INO80C: variants seen among roughly 807,000 people sequenced by gnomAD.
INO80C encodes IES6 homolog.
Under a neutral mutation model 17.7 loss-of-function variants are expected in INO80C, and 17 were observed. That is an observed-to-expected ratio of 0.96 (90% CI 0.66 to 1.44). INO80C has a LOEUF of 1.44. INO80C is among the 40% of genes most tolerant of loss of function. The pLI, the probability that INO80C is intolerant of heterozygous loss-of-function variation, is 0.00. For synonymous variants in INO80C, 96 were observed against 95.8 expected, an observed-to-expected ratio of 1.00 and a Z score of -0.01; for missense variants, 244 against 245.0, an observed-to-expected ratio of 1.00 and a Z score of 0.03.
intron 4 of INO80C, among the ~76,000 whole-genome samples, chr18:35,476,532 A>G (rs2045738205): frequency 6.6e-6 from 1 of 152,230 alleles, no homozygotes. Flanking sequence ...TCTGAAAAAT[A>G]TAGTCTATTA....
chr18:35,475,555 A>T (rs2045725269), intron 4 of INO80C, among the ~76,000 whole-genome samples: 1 of 152,118 alleles, frequency 6.6e-6, no homozygotes, highest in African/African-American at 2.4e-5. Context: ...CTGTAGCCCC[A>T]GTTACTTGGG....
chr18:35,492,645 A>G (rs1167319314), intron 1 of INO80C, among the ~76,000 whole-genome samples: 1 of 152,204 alleles, frequency 6.6e-6, no homozygotes, highest in African/African-American at 2.4e-5. Context: ...AAAGTTGAAT[A>G]GTAGGATGAC....
At chr18:35,478,757 C>T (rs2045768769) in intron 3 of INO80C, among the ~76,000 whole-genome samples, 1 of 152,212 alleles carries the variant, frequency 6.6e-6, no homozygotes, top group African/African-American at 2.4e-5. Flanking sequence ...TCACTTGTCA[C>T]CCATGTGAGT....
intron 4 of INO80C, among the ~76,000 whole-genome samples, chr18:35,470,311 T>C (rs2045655170): frequency 6.6e-6 from 1 of 152,124 alleles, no homozygotes; most frequent in Admixed American, 6.6e-5. Flanking sequence ...TGTTAGGAAA[T>C]GGGATTATTC....
intron 1 of INO80C, among the ~76,000 whole-genome samples, chr18:35,487,213 A>C (rs745363445): frequency 2.0e-5 from 3 of 152,230 alleles, no homozygotes; most frequent in African/African-American, 7.2e-5. Context: ...ATATAACTCA[A>C]ATCTAACCAT....
intron 1 of INO80C, among the ~76,000 whole-genome samples, chr18:35,492,429 G>A (rs1479269535): frequency 2.6e-5 from 4 of 152,074 alleles, no homozygotes; most frequent in Non-Finnish European, 5.9e-5. Flanking sequence ...AACGGGGCAC[G>A]TAATACTATA....
intron 4 of INO80C, among the ~76,000 whole-genome samples, chr18:35,477,300 C>A (rs1208798717): frequency 1.4e-5 from 2 of 147,024 alleles, no homozygotes; most frequent in Non-Finnish European, 3.1e-5. Context: ...CGAAAGAAAG[C>A]TGGGGTAACG....
At chr18:35,484,287 G>A (rs1046263176) in intron 1 of INO80C, among the ~76,000 whole-genome samples, 2 of 152,182 alleles carry the variant, frequency 1.3e-5, no homozygotes, top group Non-Finnish European at 2.9e-5. Context: ...ATCAATATGA[G>A]CTCACAGTTT....
At chr18:35,469,392 C>T (rs1449275042) in intron 4 of INO80C, among the ~76,000 whole-genome samples, 2 of 152,204 alleles carry the variant, frequency 1.3e-5, no homozygotes, top group Non-Finnish European at 2.9e-5. Flanking sequence ...TGCAGCTCCT[C>T]AGCTATGGGC....
intron 1 of INO80C, among the ~76,000 whole-genome samples, chr18:35,484,537 A>T: frequency 6.6e-6 from 1 of 152,236 alleles, no homozygotes; most frequent in East Asian, 1.9e-4. Context: ...ATGCATCTTG[A>T]CTAAACATGT....
chr18:35,477,050 C>G (rs1252196991), intron 4 of INO80C, among the ~76,000 whole-genome samples: 2 of 152,282 alleles, frequency 1.3e-5, no homozygotes, highest in Non-Finnish European at 1.5e-5. Flanking sequence ...TCAAGACCAG[C>G]CTGGCCAACA....
At chr18:35,476,624 T>C (rs747838976) in intron 4 of INO80C, among the ~76,000 whole-genome samples, 3 of 152,138 alleles carry the variant, frequency 2.0e-5, no homozygotes, top group Non-Finnish European at 2.9e-5. Flanking sequence ...AGTGAGATGG[T>C]AGATTTAAAT....
chr18:35,491,351 A>G (rs986272769), intron 1 of INO80C, among the ~76,000 whole-genome samples: 2 of 152,162 alleles, frequency 1.3e-5, no homozygotes, highest in Non-Finnish European at 2.9e-5. Flanking sequence ...AGTCAAGAAG[A>G]GGATGAAAAT....
chr18:35,480,592 A>C, intron 1 of INO80C, 29 bp from the exon 2 acceptor site: 1 of 1,539,552 alleles, frequency 6.5e-7, no homozygotes, highest in Non-Finnish European at 9.0e-7. Context: ...TAGTTTGAAG[A>C]AGTCAGTTTC....
intron 4 of INO80C, among the ~76,000 whole-genome samples, chr18:35,471,090 A>G (rs1377483287): frequency 6.6e-6 from 1 of 152,230 alleles, no homozygotes; most frequent in African/African-American, 2.4e-5. Context: ...AAAGAGTCAC[A>G]TGGCTGGCTA....
Position 35,497,674 on chromosome 18 carries a change from C to A in INO80C, c.156+45G>T, listed in dbSNP as rs368750058. ...TGGCTCGGCTCCGCCCCGCCAAGTC[C>A]CGTTTCGCGACGCGCACGCGCAGCC... On this transcript the variant is annotated intron_variant, in intron 1 of 4. Transcript: ENST00000334598. 4 of 1,586,278 alleles carry A rather than the reference C, an allele frequency of 2.5e-6. No homozygotes were observed. In the African/African-American group the frequency reaches 5.5e-5, roughly 22 times the overall value.
chr18:35,481,586 A>G (rs1598742960), intron 1 of INO80C, among the ~76,000 whole-genome samples: 1 of 152,202 alleles, frequency 6.6e-6, no homozygotes, highest in African/African-American at 2.4e-5. Flanking sequence ...TGCTCAGCAT[A>G]AAGTTTCTGA....
intron 4 of INO80C, among the ~76,000 whole-genome samples, chr18:35,474,672 G>A (rs546033643): frequency 4.6e-5 from 7 of 152,072 alleles, no homozygotes; most frequent in Non-Finnish European, 7.4e-5. Context: ...GGATTAGAGA[G>A]CAAGACTCTA....
chr18:35,481,334 C>T (rs970836346), intron 1 of INO80C, among the ~76,000 whole-genome samples: 1 of 152,206 alleles, frequency 6.6e-6, no homozygotes, highest in Non-Finnish European at 1.5e-5. Flanking sequence ...TCCCATCTTG[C>T]CAGGCTTCAA....
Sources: gnomAD v4.1 joint callset for allele counts (sites outside exome capture counted in the v4.1 genomes callset) on GRCh38, gnomAD v4.1.1 for gene constraint, MANE v1.5 for transcripts, NCBI Gene and HGNC (gene_info 2026-07-23, HGNC 2026-07-21) for gene names.